The following DRC11 variants were observed in gnomAD, a reference collection of about 807,000 sequenced individuals.
DRC11 encodes IQ and AAA domain-containing protein 1.
the DRC11 span, chr2:236,368,064 A>T: frequency 1.4e-6 from 1 of 702,798 alleles, no homozygotes; most frequent in Non-Finnish European, 2.6e-6. Flanking sequence ...AACTGTGCCC[A>T]CTCAGAATTC....
At chr2:236,495,489 A>G in the DRC11 span, among the ~76,000 whole-genome samples, 9 of 152,278 alleles carry the variant, frequency 5.9e-5, no homozygotes, top group Non-Finnish European at 1.2e-4. This position sits in a 1 kb window ranked among gnomAD's most constrained non-coding sequence, Gnocchi z 5.6. Context: ...CTCATTCCCT[A>G]TGGAGTGGAA....
the DRC11 span, chr2:236,324,306 GA>G: frequency 4.7e-6 from 1 of 212,948 alleles, no homozygotes; most frequent in Non-Finnish European, 9.5e-6. This position sits in a 1 kb window ranked among gnomAD's most constrained non-coding sequence, Gnocchi z 5.7. Context: ...TGTCAAACTA[GA>G]ATATTCTTTA....
At chr2:236,357,081 CTA>C in the DRC11 span, among the ~76,000 whole-genome samples, 743 of 96,622 alleles carry the variant, frequency 7.7e-3, 21 homozygotes, top group African/African-American at 0.022. Context: ...TATTATATAT[CTA>C]TATATTTTAT....
chr2:236,478,187 A>G, the DRC11 span, among the ~76,000 whole-genome samples: 1 of 152,076 alleles, frequency 6.6e-6, no homozygotes, highest in Admixed American at 6.5e-5. This position sits in a 1 kb window ranked among gnomAD's most constrained non-coding sequence, Gnocchi z 5.9. Context: ...TTTATTTGCT[A>G]TAAACATTTC....
At chr2:236,491,115 TAC>T in the DRC11 span, among the ~76,000 whole-genome samples, 3 of 119,426 alleles carry the variant, frequency 2.5e-5, no homozygotes, top group Admixed American at 9.1e-5. Flanking sequence ...TGTATATATA[TAC>T]AGTGTGTATA....
At chr2:236,426,888 T>G in the DRC11 span, among the ~76,000 whole-genome samples, 1 of 152,222 alleles carries the variant, frequency 6.6e-6, no homozygotes, top group African/African-American at 2.4e-5. The surrounding 1 kb of genome is among the most constrained non-coding windows in gnomAD (Gnocchi z 4.1). Context: ...AAAACTCAGA[T>G]TTTCACTATT....
the DRC11 span, chr2:236,408,595 T>C: frequency 2.7e-6 from 2 of 727,972 alleles, no homozygotes; most frequent in Non-Finnish European, 2.6e-6. This position sits in a 1 kb window ranked among gnomAD's most constrained non-coding sequence, Gnocchi z 5.5. Context: ...GTGACATGGA[T>C]GACTTGGCAG....
chr2:236,454,285 A>AT, the DRC11 span, among the ~76,000 whole-genome samples: 2 of 152,144 alleles, frequency 1.3e-5, no homozygotes, highest in Admixed American at 1.3e-4. This position sits in a 1 kb window ranked among gnomAD's most constrained non-coding sequence, Gnocchi z 5.3. Context: ...TCTTAACTTG[A>AT]TTTACTGTGA....
chr2:236,446,913 C>T, the DRC11 span, among the ~76,000 whole-genome samples: 2 of 147,846 alleles, frequency 1.4e-5, no homozygotes, highest in Admixed American at 6.6e-5. This position sits in a 1 kb window ranked among gnomAD's most constrained non-coding sequence, Gnocchi z 6.2. Flanking sequence ...GGCTGCTGGG[C>T]GTGGGGTCTC....
the DRC11 span, among the ~76,000 whole-genome samples, chr2:236,352,061 T>C: frequency 6.6e-6 from 1 of 151,288 alleles, no homozygotes; most frequent in Non-Finnish European, 1.5e-5. The surrounding 1 kb of genome is among the most constrained non-coding windows in gnomAD (Gnocchi z 7.0). Context: ...CGGGAGAGGG[T>C]GACAGAGAGC....
chr2:236,441,140 T>A, the DRC11 span: 1 of 1,514,540 alleles, frequency 6.6e-7, no homozygotes, highest in Non-Finnish European at 9.0e-7. Flanking sequence ...GGAAAAAAAA[T>A]AGCAAATTAA....
At chr2:236,472,563 A>G in the DRC11 span, among the ~76,000 whole-genome samples, 3 of 152,248 alleles carry the variant, frequency 2.0e-5, no homozygotes, top group African/African-American at 7.2e-5. This position sits in a 1 kb window ranked among gnomAD's most constrained non-coding sequence, Gnocchi z 4.6. Flanking sequence ...AGTTGTTGAT[A>G]GTTTTCCACT....
At chr2:236,395,929 T>G in the DRC11 span, among the ~76,000 whole-genome samples, 2 of 152,224 alleles carry the variant, frequency 1.3e-5, no homozygotes, top group African/African-American at 4.8e-5. Flanking sequence ...GCAGAATCTT[T>G]AACAGAAGGG....
chr2:236,418,207 C>T, the DRC11 span, among the ~76,000 whole-genome samples: 7 of 152,320 alleles, frequency 4.6e-5, no homozygotes, highest in Non-Finnish European at 2.9e-5. Flanking sequence ...TAAAAGTGTT[C>T]CTATTTCTCC....
chr2:236,307,828 T>C, the DRC11 span, among the ~76,000 whole-genome samples: 1 of 152,252 alleles, frequency 6.6e-6, no homozygotes, highest in Non-Finnish European at 1.5e-5. This position sits in a 1 kb window ranked among gnomAD's most constrained non-coding sequence, Gnocchi z 7.0. Context: ...CCCTGCTGCT[T>C]TCTTCTTCCC....
the DRC11 span, among the ~76,000 whole-genome samples, chr2:236,505,027 T>C: frequency 6.6e-6 from 1 of 152,222 alleles, no homozygotes; most frequent in African/African-American, 2.4e-5. Context: ...TGTGAAAGTG[T>C]TCCTGGAATT....
chr2:236,340,004 A>G, the DRC11 span, among the ~76,000 whole-genome samples: 1 of 152,378 alleles, frequency 6.6e-6, no homozygotes, highest in South Asian at 2.1e-4. Context: ...CCATCTTAAC[A>G]AGATTAAGTC....
chr2:236,317,871 TC>T, the DRC11 span, among the ~76,000 whole-genome samples: 1 of 152,156 alleles, frequency 6.6e-6, no homozygotes, highest in African/African-American at 2.4e-5. The surrounding 1 kb of genome is among the most constrained non-coding windows in gnomAD (Gnocchi z 5.4). Context: ...GCTAGAAGCC[TC>T]TTTATGGGGA....
the DRC11 span, among the ~76,000 whole-genome samples, chr2:236,416,739 A>ATATATATATTTT: frequency 1.8e-5 from 1 of 54,208 alleles, no homozygotes; most frequent in Non-Finnish European, 3.9e-5. Flanking sequence ...ATATATATAT[A>ATATATATATTTT]TATATATATA....
Sources: gnomAD v4.1 joint callset for allele counts (sites outside exome capture counted in the v4.1 genomes callset) on GRCh38, gnomAD v4.1.1 for gene constraint, Gnocchi (gnomAD v3.1) non-coding constraint, MANE v1.5 for transcripts, NCBI Gene and HGNC (gene_info 2026-07-23, HGNC 2026-07-21) for gene names.